Variants in SEH1L observed in about 807,000 individuals in gnomAD.
SEH1L encodes the protein nucleoporin SEH1.
SEH1L carries 18 observed loss-of-function variants against 49.5 expected under a neutral mutation model. That is an observed-to-expected ratio of 0.36 (90% CI 0.25 to 0.54). The LOEUF (loss-of-function observed/expected upper bound fraction) is 0.54, where lower values mean the gene tolerates loss of function less well. Ranked by LOEUF, SEH1L falls within the 20% of genes least tolerant of loss-of-function variation. The probability of loss-of-function intolerance (pLI) is 0.87; values close to 1 mark genes in which losing one functional copy is unlikely to be tolerated. For synonymous variants in SEH1L, 169 were observed against 178.1 expected (o/e 0.95, Z 0.41); for missense variants, 404 against 528.8 (o/e 0.76, Z 2.31).
At chr18:12,971,342 A>C in intron 5 of SEH1L, 91 bp downstream of exon 5, 1 of 852,890 alleles carries the variant, frequency 1.2e-6, no homozygotes, top group East Asian at 2.7e-5. Context: ...ATTATGTGTC[A>C]TTCATCATAT....
intron 1 of SEH1L, chr18:12,948,478 G>A (rs976134391): frequency 1.7e-5 from 6 of 362,530 alleles, no homozygotes; most frequent in Non-Finnish European, 3.0e-5. Flanking sequence ...CCGCCCGCAG[G>A]GTACGCCGGG....
intron 3 of SEH1L, among the ~76,000 whole-genome samples, chr18:12,959,534 A>C (rs1436122882): frequency 6.6e-6 from 1 of 152,176 alleles, no homozygotes; most frequent in Admixed American, 6.5e-5. Flanking sequence ...TTCAATAAGC[A>C]TTTTCTTTGA....
intron 8 of SEH1L, chr18:12,985,999 G>T: frequency 2.2e-6 from 2 of 905,068 alleles, no homozygotes; most frequent in Non-Finnish European, 2.6e-6. Flanking sequence ...ATATACATTT[G>T]TGTATTTTTA....
intron 6 of SEH1L, among the ~76,000 whole-genome samples, chr18:12,979,847 G>A (rs1162776686): frequency 7.0e-6 from 1 of 142,346 alleles, no homozygotes; most frequent in Non-Finnish European, 1.5e-5. Flanking sequence ...CTCACCTCCC[G>A]AATGGGGCGG....
chr18:12,949,643 CAG>C (rs1258604115), intron 1 of SEH1L, among the ~76,000 whole-genome samples: 4 of 151,770 alleles, frequency 2.6e-5, no homozygotes, highest in Admixed American at 1.3e-4. Flanking sequence ...TTAGTAGAGA[CAG>C]GGTTTCACCA....
rs148368192 is a variant in SEH1L, at chr18:12,967,786, C to T, written c.522-3367C>T. Reference sequence around the variant, plus strand: ...AAAATTAGATGGGCGTGGTGGTGTGCGCCTGTACTCCCAGCTACTCAGGAG... The same window carrying T: ...AAAATTAGATGGGCGTGGTGGTGTGTGCCTGTACTCCCAGCTACTCAGGAG... On this transcript the variant is annotated intron_variant, in intron 4 of 8. Coordinates refer to ENST00000399892, the MANE Select transcript of SEH1L (RefSeq NM_001013437.2). Among the ~76,000 whole-genome samples, 829 of 152,060 alleles carry T rather than the reference C, an allele frequency of 5.5e-3. 12 individuals are homozygous for T. Among genetic ancestry groups the T allele is most frequent in the African/African-American group, 0.018 (751 of 41,490 alleles).
chr18:12,949,509 G>A (rs1386929181), intron 1 of SEH1L, among the ~76,000 whole-genome samples: 1 of 140,914 alleles, frequency 7.1e-6, no homozygotes, highest in East Asian at 2.2e-4. Flanking sequence ...CTGGAGTGGG[G>A]TGGCGCAATC....
chr18:12,958,908 GT>G (rs1157052288), intron 3 of SEH1L, among the ~76,000 whole-genome samples: 1 of 152,130 alleles, frequency 6.6e-6, no homozygotes, highest in Non-Finnish European at 1.5e-5. Flanking sequence ...TATGTTTCAC[GT>G]TTTTAGGAAC....
At chr18:12,960,371 GAA>G (rs1257812542) in intron 3 of SEH1L, among the ~76,000 whole-genome samples, 1 of 152,204 alleles carries the variant, frequency 6.6e-6, no homozygotes, top group Non-Finnish European at 1.5e-5. Context: ...ACCATTTCTT[GAA>G]AAGACCATTC....
At position 12,986,848 on chromosome 18, in the gene SEH1L, C is replaced by A; in HGVS notation, c.1071-14C>A. 2 of 1,374,290 alleles carry A rather than the reference C, an allele frequency of 1.5e-6. No individual in the cohort carries two copies. Among genetic ancestry groups the A allele is most frequent in the East Asian group, 2.7e-5 (1 of 36,424 alleles). The allele number at this position is 1,374,290 out of a possible 1,614,324, so 85.1% of individuals were successfully genotyped here. ...GTTTTGTTTGGTGTTTTGTTCCTGTCTTCATTGTTTCAGGTATTTCTTTAC... is the reference window on the plus strand; with the variant it reads ...GTTTTGTTTGGTGTTTTGTTCCTGTATTCATTGTTTCAGGTATTTCTTTAC... On this transcript the variant is annotated splice_polypyrimidine_tract_variant and intron_variant, in intron 8 of 8. Coordinates refer to ENST00000399892, the MANE Select transcript of SEH1L (RefSeq NM_001013437.2).
At chr18:12,981,850 A>ATTTTTATTTTTTTTTTTTTT (rs1463077173) in intron 6 of SEH1L, among the ~76,000 whole-genome samples, 1 of 88,184 alleles carries the variant, frequency 1.1e-5, no homozygotes, top group African/African-American at 5.7e-5. Context: ...TGCCCTGCCC[A>ATTTTTATTTTTTTTTTTTTT]TTTTTTTTTT....
At chr18:12,979,839 C>T (rs1463044211) in intron 6 of SEH1L, among the ~76,000 whole-genome samples, 1 of 144,070 alleles carries the variant, frequency 6.9e-6, no homozygotes, top group African/African-American at 2.6e-5. Flanking sequence ...AGGCACCCCT[C>T]ACCTCCCGAA....
chr18:12,966,135 C>G (rs1341770457), intron 4 of SEH1L, among the ~76,000 whole-genome samples: 1 of 150,410 alleles, frequency 6.6e-6, no homozygotes, highest in Non-Finnish European at 1.5e-5. Flanking sequence ...CTCTGTCACC[C>G]AGGCTGGAGT....
intron 8 of SEH1L, chr18:12,986,318 T>G: frequency 1.0e-6 from 1 of 985,570 alleles, no homozygotes; most frequent in Non-Finnish European, 1.2e-6. Flanking sequence ...TATCAAAATT[T>G]GGTAGCTATT....
At chr18:12,961,753 G>A in intron 3 of SEH1L, among the ~76,000 whole-genome samples, 1 of 151,904 alleles carries the variant, frequency 6.6e-6, no homozygotes. Context: ...TGCAGCCTCC[G>A]CCGACCACAC....
intron 6 of SEH1L, among the ~76,000 whole-genome samples, chr18:12,979,917 A>G (rs2032109711): frequency 2.4e-5 from 3 of 122,900 alleles, no homozygotes; most frequent in Middle Eastern, 5.5e-3. Context: ...CTGGCCGGGC[A>G]GAGGGGCTCC....
At position 12,949,662 on chromosome 18, in the gene SEH1L, C is replaced by T. The variant is rs943152965; in HGVS notation, c.111+1430C>T. On this transcript the variant is annotated intron_variant, in intron 1 of 8. Transcript: ENST00000399892. Reference sequence around the variant, plus strand: ...TAGAGACAGGGTTTCACCATGTTAGCCAGGATGGTCTCTATCTCCTGACCT... The same window carrying T: ...TAGAGACAGGGTTTCACCATGTTAGTCAGGATGGTCTCTATCTCCTGACCT... Among the ~76,000 whole-genome samples, 3 of 151,734 alleles carry T rather than the reference C, an allele frequency of 2.0e-5. No individual in the cohort carries two copies. In the South Asian group the frequency reaches 6.2e-4, roughly 32 times the overall value.
Position 12,971,200 on chromosome 18 carries a change from G to A in SEH1L, c.569G>A (p.Ser190Asn), listed in dbSNP as rs1312711356. 13 of 1,613,838 alleles carry A rather than the reference G, an allele frequency of 8.1e-6. No individual in the cohort carries two copies. The South Asian group carries it at 1.2e-4, about 15-fold the overall frequency. Residue 190 changes from serine (S) to asparagine (N), a missense_variant, in exon 5 of 9, where the codon AGC becomes AAC. Transcript: ENST00000399892. ...PMIAVGSDDS[S>N]PNAMAKVQIF... The stretch of plus-strand genomic sequence containing the variant: ...ATCGCCGTAGGAAGTGATGACAGTA[G>A]CCCCAACGCAATGGCCAAGGTTCAG...
At chr18:12,981,965 T>G (rs2032288633) in intron 6 of SEH1L, among the ~76,000 whole-genome samples, 1 of 145,822 alleles carries the variant, frequency 6.9e-6, no homozygotes, top group Non-Finnish European at 1.5e-5. Flanking sequence ...GTTCAAGCAA[T>G]TCTCATGCCT....
Sources: gnomAD v4.1 joint callset for allele counts (sites outside exome capture counted in the v4.1 genomes callset) on GRCh38, gnomAD v4.1.1 for gene constraint, MANE v1.5 for transcripts, NCBI Gene and HGNC (gene_info 2026-07-23, HGNC 2026-07-21) for gene names.